TSHZ2: variants seen among roughly 807,000 people sequenced by gnomAD.
TSHZ2 encodes teashirt zinc finger homeobox 2.
Under a neutral mutation model 74.4 loss-of-function variants are expected in TSHZ2, and 21 were observed. That is an observed-to-expected ratio of 0.28 (90% CI 0.20 to 0.41). The LOEUF (loss-of-function observed/expected upper bound fraction) is 0.41. Among genes scored for constraint, TSHZ2 ranks in the 10% least tolerant of loss-of-function variants. The pLI, the probability that TSHZ2 is intolerant of heterozygous loss-of-function variation, is 1.00. For missense variants in TSHZ2, 1,244 were observed against 1,293.5 expected, an observed-to-expected ratio of 0.96 and a Z score of 0.59; for synonymous variants, 540 against 515.3, an observed-to-expected ratio of 1.05 and a Z score of -0.65.
At chr20:53,174,939 T>C (rs77930184) in intron 1 of TSHZ2, among the ~76,000 whole-genome samples, 1,601 of 152,160 alleles carry the variant, frequency 0.011, 22 homozygotes, top group African/African-American at 0.036. Context: ...CAGGACCCCA[T>C]TTCTGAGGGT....
intron 2 of TSHZ2, among the ~76,000 whole-genome samples, chr20:53,480,568 T>TA (rs1322529613): frequency 9.2e-4 from 126 of 136,344 alleles, no homozygotes; most frequent in African/African-American, 2.3e-3. Flanking sequence ...CCCTACCTTC[T>TA]AAAAAAAAAA....
intron 2 of TSHZ2, among the ~76,000 whole-genome samples, chr20:53,410,136 C>G (rs918390657): frequency 6.6e-6 from 1 of 152,066 alleles, no homozygotes; most frequent in Non-Finnish European, 1.5e-5. Context: ...CGTAAGCCAC[C>G]GTGCCTGGTT....
intron 1 of TSHZ2, among the ~76,000 whole-genome samples, chr20:53,063,001 A>G (rs1333008725): frequency 6.6e-6 from 1 of 152,200 alleles, no homozygotes; most frequent in Non-Finnish European, 1.5e-5. Flanking sequence ...CTGAGGAAAG[A>G]GCTTCCCTAT....
At position 53,255,399 on chromosome 20, in the gene TSHZ2, G is replaced by T. The variant is rs1832684207; in HGVS notation, c.1941G>T (p.Glu647Asp). ...CACCTCCAGAAGCCAAAAAGACCGA[G>T]CTGGGTCCCCTGAAGGAGGAGGAGA... ...SETPPEAKKT[E>D]LGPLKEEEKL... The change falls in exon 2 of 3, where the codon GAG (glutamate) becomes GAT (aspartate). Residue 647 changes from glutamate (E) to aspartate (D), a missense_variant. This residue lies in a region of TSHZ2 where 562 missense variants were observed against 544.0 expected (regional missense o/e 1.03). Coordinates refer to ENST00000371497, the MANE Select transcript of TSHZ2 (RefSeq NM_173485.6). The surrounding 1 kb of genome is among the most constrained non-coding windows in gnomAD (Gnocchi z 4.1). 1.2e-6 allele frequency: 2 copies of T among 1,613,714 alleles called. No individual in the cohort carries two copies. Among genetic ancestry groups the T allele is most frequent in the Admixed American group, 1.7e-5 (1 of 60,010 alleles).
chr20:53,349,159 T>A (rs1980548994), intron 2 of TSHZ2, among the ~76,000 whole-genome samples: 1 of 152,242 alleles, frequency 6.6e-6, no homozygotes, highest in South Asian at 2.1e-4. Flanking sequence ...CAATCCTTGC[T>A]CTACCACTAA....
intron 2 of TSHZ2, among the ~76,000 whole-genome samples, chr20:53,349,350 C>CTTTTCAGTAA (rs1233653318): frequency 3.3e-5 from 5 of 152,198 alleles, no homozygotes; most frequent in Non-Finnish European, 5.9e-5. Context: ...GTGTCTGAGC[C>CTTTTCAGTAA]TTTTCAGTAA....
intron 2 of TSHZ2, among the ~76,000 whole-genome samples, chr20:53,280,100 T>C (rs553208090): frequency 6.6e-5 from 10 of 152,142 alleles, no homozygotes; most frequent in African/African-American, 2.4e-4. Context: ...ATGGGCATTT[T>C]TGAAGATGAC....
rs551876965 is a variant in TSHZ2, at chr20:53,281,451, AC to A, written c.*8+24881del. Among the ~76,000 whole-genome samples, 7 of 152,352 alleles carry A rather than the reference AC, an allele frequency of 4.6e-5. No individual in the cohort carries two copies. In the South Asian group the frequency reaches 1.5e-3, roughly 32 times the overall value. Reference sequence around the variant, plus strand: ...AGGCTTTGTAGGCCATACAGTGTCTACTACAAATCTTCAACTCTGCCATTGT... The same window carrying A: ...AGGCTTTGTAGGCCATACAGTGTCTATACAAATCTTCAACTCTGCCATTGT... On this transcript the variant is annotated intron_variant, in intron 2 of 2. Coordinates refer to ENST00000371497, the MANE Select transcript of TSHZ2 (RefSeq NM_173485.6).
At chr20:53,409,504 C>G (rs550738719) in intron 2 of TSHZ2, among the ~76,000 whole-genome samples, 12 of 152,112 alleles carry the variant, frequency 7.9e-5, no homozygotes, top group African/African-American at 2.4e-4. Context: ...ATCACAAGCC[C>G]AATTTCTGCA....
At chr20:53,144,540 G>T (rs998363721) in intron 1 of TSHZ2, among the ~76,000 whole-genome samples, 2 of 152,180 alleles carry the variant, frequency 1.3e-5, no homozygotes, top group Non-Finnish European at 1.5e-5. Flanking sequence ...CTATCTGCCA[G>T]TTATGGTTTA....
rs1568938103 is a variant in TSHZ2 at position 53,484,402 on chromosome 20, T to TC, written c.*9-2742_*9-2741insC. ...TCTCTCTTTTTTTTTTTTTTTTTTT[T>TC]TAAGACAGAGTCTCACTCTGTTGCC... On this transcript the variant is annotated intron_variant, in intron 2 of 2. Transcript: ENST00000371497. Among the ~76,000 whole-genome samples the TC allele has an allele frequency of 1.4e-5, 2 of 142,624 alleles. 1 individual carries two copies. Among genetic ancestry groups the TC allele is most frequent in the Non-Finnish European group, 3.0e-5 (2 of 65,586 alleles). 93.6% of individuals were successfully genotyped at this position (142,624 alleles called of 152,430 possible). A position where few individuals can be genotyped will look rare whatever the true frequency, so the allele number is the denominator to read the frequency against.
intron 1 of TSHZ2, among the ~76,000 whole-genome samples, chr20:53,216,533 G>T (rs1989437457): frequency 6.6e-6 from 1 of 152,166 alleles, no homozygotes; most frequent in South Asian, 2.1e-4. Context: ...CTCAAGCATA[G>T]GTGCGACCCA....
chr20:53,269,674 G>A (rs1375371179), intron 2 of TSHZ2, among the ~76,000 whole-genome samples: 1 of 152,166 alleles, frequency 6.6e-6, no homozygotes, highest in Non-Finnish European at 1.5e-5. Flanking sequence ...GCCTGGCACA[G>A]TATCCATTAT....
intron 1 of TSHZ2, among the ~76,000 whole-genome samples, chr20:53,192,002 AAAATT>A (rs1278200777): frequency 7.9e-5 from 12 of 152,326 alleles, no homozygotes; most frequent in African/African-American, 2.4e-4. Flanking sequence ...TGGGGTTAGA[AAAATT>A]AAATTAAATT....
intron 1 of TSHZ2, among the ~76,000 whole-genome samples, chr20:53,091,696 G>C (rs1399042922): frequency 6.6e-6 from 1 of 152,144 alleles, no homozygotes; most frequent in East Asian, 1.9e-4. Flanking sequence ...ACTTAATGTA[G>C]AGAAAGCACT....
At chr20:53,079,381 C>T (rs1023210740) in intron 1 of TSHZ2, among the ~76,000 whole-genome samples, 4 of 152,104 alleles carry the variant, frequency 2.6e-5, no homozygotes, top group African/African-American at 9.7e-5. Flanking sequence ...ATGCGGGTTG[C>T]CAGACAGTGG....
intron 1 of TSHZ2, among the ~76,000 whole-genome samples, chr20:53,096,974 T>C (rs1346584187): frequency 6.6e-6 from 1 of 152,106 alleles, no homozygotes; most frequent in South Asian, 2.1e-4. Context: ...AAACAAGTTT[T>C]GTCAAGCTCA....
At chr20:53,297,624 CAG>C (rs1991404422) in intron 2 of TSHZ2, among the ~76,000 whole-genome samples, 1 of 152,236 alleles carries the variant, frequency 6.6e-6, no homozygotes, top group African/African-American at 2.4e-5. Context: ...GGGTAGGACA[CAG>C]TTAGTAGCAG....
rs1165997696 is a variant in TSHZ2, at chr20:53,450,068, G to T, written c.*9-37076G>T. On this transcript the variant is annotated intron_variant, in intron 2 of 2. Transcript: ENST00000371497. ...TGATTGAAGAAATACATCAATGAATGAACATATCTTAACCTTCTTGCTGAA... is the reference window on the plus strand; with the variant it reads ...TGATTGAAGAAATACATCAATGAATTAACATATCTTAACCTTCTTGCTGAA... Among the ~76,000 whole-genome samples the T allele has an allele frequency of 2.0e-5, 3 of 152,202 alleles. No homozygotes were observed. The East Asian group carries it at 5.8e-4, about 29-fold the overall frequency.
Sources: allele counts gnomAD v4.1 joint callset (sites outside exome capture counted in the v4.1 genomes callset), GRCh38; gene constraint gnomAD v4.1.1; regional missense constraint gnomAD v4.1.1; non-coding constraint Gnocchi (gnomAD v3.1); transcripts MANE v1.5; gene names NCBI Gene and HGNC (gene_info 2026-07-23, HGNC 2026-07-21).